Variants in ADAM7 observed in about 807,000 individuals in gnomAD.
The protein encoded by ADAM7 is disintegrin and metalloproteinase domain-containing protein 7.
ADAM7 carries 97 observed loss-of-function variants against 102.9 expected under a neutral mutation model. The ratio of observed to expected loss-of-function variants is 0.94; its 90% CI spans 0.80 to 1.12. The LOEUF is 1.12. ADAM7 is among the 50% of genes most tolerant of loss of function. The pLI is 0.00. For missense variants in ADAM7, 991 were observed against 908.7 expected (o/e 1.09, Z -1.16); for synonymous variants, 334 against 304.4 (o/e 1.10, Z -1.01).
rs142114858 is a variant in ADAM7 at position 24,444,677 on chromosome 8, A to C, written c.156+2101A>C. Among the ~76,000 whole-genome samples the C allele has an allele frequency of 5.4e-3, 827 of 151,948 alleles. 6 individuals carry two copies. The highest frequency in any genetic ancestry group is 0.019 in the African/African-American group (792 of 41,466). Reference sequence around the variant, plus strand: ...ACAGATACTCCCCATAAAGGTCCAGATCGTAAAAAAAAAAACACAAAAAAA... The same window carrying C: ...ACAGATACTCCCCATAAAGGTCCAGCTCGTAAAAAAAAAAACACAAAAAAA... On this transcript the variant is annotated intron_variant, in intron 2 of 21. Transcript: ENST00000175238.
At chr8:24,500,484 G>T (rs1309888880) in intron 18 of ADAM7, among the ~76,000 whole-genome samples, 1 of 151,906 alleles carries the variant, frequency 6.6e-6, no homozygotes, top group African/African-American at 2.4e-5. Flanking sequence ...ATTTTCTTAG[G>T]TATCCCACAA....
chr8:24,464,083 T>C (rs1819344539), intron 4 of ADAM7, 123 bp downstream of exon 4: 2 of 778,164 alleles, frequency 2.6e-6, no homozygotes, highest in African/African-American at 3.5e-5. Context: ...AAGCTCTGAA[T>C]TGATTACTCT....
chr8:24,496,972 T>A (rs1820579198), intron 16 of ADAM7, among the ~76,000 whole-genome samples: 1 of 152,132 alleles, frequency 6.6e-6, no homozygotes. Context: ...AATGATGTGG[T>A]TTGGCTGTGT....
intron 8 of ADAM7, among the ~76,000 whole-genome samples, chr8:24,478,966 A>G (rs1358907155): frequency 1.3e-5 from 2 of 152,168 alleles, no homozygotes; most frequent in African/African-American, 4.8e-5. Flanking sequence ...CCTGAAGTGC[A>G]CTATCAACTG....
At chr8:24,489,643 CA>C (rs1820271716) in intron 12 of ADAM7, among the ~76,000 whole-genome samples, 2 of 152,076 alleles carry the variant, frequency 1.3e-5, no homozygotes, top group African/African-American at 2.4e-5. Flanking sequence ...ATGTCTCATG[CA>C]GAGTCAGAAT....
At chr8:24,461,651 T>G (rs1819246329) in intron 3 of ADAM7, among the ~76,000 whole-genome samples, 1 of 152,174 alleles carries the variant, frequency 6.6e-6, no homozygotes, top group East Asian at 1.9e-4. Flanking sequence ...TATGTTAGTC[T>G]TTTGATGTAA....
At chr8:24,505,470 T>C (rs1035684081) in intron 20 of ADAM7, among the ~76,000 whole-genome samples, 3 of 151,924 alleles carry the variant, frequency 2.0e-5, no homozygotes, top group Non-Finnish European at 2.9e-5. Flanking sequence ...ACATTTAGGG[T>C]TTTTGTATTT....
chr8:24,490,946 C>T, intron 13 of ADAM7, 58 bp downstream of exon 13: 1 of 1,553,706 alleles, frequency 6.4e-7, no homozygotes, highest in South Asian at 1.1e-5. Flanking sequence ...ATGTAGGATC[C>T]AAGAGTTATC....
Position 24,509,347 on chromosome 8 carries a change from C to T in ADAM7, c.*801C>T, listed in dbSNP as rs987970224. On this transcript the variant is annotated 3_prime_UTR_variant, in exon 22 of 22. Coordinates refer to ENST00000175238, the MANE Select transcript of ADAM7 (RefSeq NM_003817.4). Reference sequence around the variant, plus strand: ...GTGCTGTCTCTGCCCTCTCCCTATCCGTTTGTTATGGGATGGGGGATTACC... The same window carrying T: ...GTGCTGTCTCTGCCCTCTCCCTATCTGTTTGTTATGGGATGGGGGATTACC... 45 of 985,228 alleles carry T rather than the reference C, an allele frequency of 4.6e-5. No individual in the cohort carries two copies. Among genetic ancestry groups the T allele is most frequent in the East Asian group, 1.1e-4 (1 of 8,814 alleles). 61.0% of individuals were successfully genotyped at this position (985,228 alleles called of 1,614,324 possible).
At chr8:24,489,388 T>G in intron 12 of ADAM7, 55 bp downstream of exon 12, 1 of 1,498,854 alleles carries the variant, frequency 6.7e-7, no homozygotes, top group South Asian at 1.4e-5. Context: ...AGGTAGAACC[T>G]AGGCAGGGAT....
At chr8:24,487,032 G>A (rs957340199) in intron 10 of ADAM7, among the ~76,000 whole-genome samples, 155 bp from the exon 11 acceptor site, 5 of 152,098 alleles carry the variant, frequency 3.3e-5, no homozygotes, top group South Asian at 2.1e-4. Context: ...GGAAACTGAG[G>A]TACAGAGGAG....
chr8:24,463,745 T>G lies in ADAM7; in HGVS notation c.234-137T>G, dbSNP rs534345843. 8.0e-6 allele frequency: 5 copies of G among 628,226 alleles called. No individual in the cohort carries two copies. In the South Asian group the frequency reaches 1.1e-4, roughly 13 times the overall value. The allele number at this position is 628,226 out of a possible 1,614,324, so 38.9% of individuals were successfully genotyped here. A position where few individuals can be genotyped will look rare whatever the true frequency, so the allele number is the denominator to read the frequency against. On this transcript the variant is annotated intron_variant, in intron 3 of 21. Coordinates refer to ENST00000175238, the MANE Select transcript of ADAM7 (RefSeq NM_003817.4). ...CTCTTCATATGAGTGGGCTTGATTT[T>G]GCTTTACTATTTCTAGCGGAAGAGG...
chr8:24,448,288 GAA>G (rs1168310523), intron 3 of ADAM7, among the ~76,000 whole-genome samples: 3 of 152,166 alleles, frequency 2.0e-5, no homozygotes, highest in African/African-American at 7.2e-5. Flanking sequence ...TGGTCTGACT[GAA>G]GAGTTCCAAG....
Position 24,485,467 on chromosome 8 carries a change from C to T in ADAM7, c.960+106C>T, listed in dbSNP as rs1820109535. On this transcript the variant is annotated intron_variant, in intron 10 of 21. Transcript: ENST00000175238. The stretch of plus-strand genomic sequence containing the variant: ...ATGTATGCATTTTGTCATATATACT[C>T]ACTAAGATATGTCATGAACAGACTG... The T allele has an allele frequency of 5.5e-6, 5 of 906,588 alleles. No individual in the cohort carries two copies. The Admixed American group carries it at 1.3e-4, about 23-fold the overall frequency. 56.2% of individuals were successfully genotyped at this position (906,588 alleles called of 1,614,324 possible). A position where few individuals can be genotyped will look rare whatever the true frequency, so the allele number is the denominator to read the frequency against.
chr8:24,491,004 T>A, intron 13 of ADAM7, 116 bp downstream of exon 13: 1 of 978,338 alleles, frequency 1.0e-6, no homozygotes, highest in Non-Finnish European at 1.5e-6. Flanking sequence ...GAAGCTAGGC[T>A]TGCAAGTACC....
intron 3 of ADAM7, among the ~76,000 whole-genome samples, chr8:24,455,401 T>A (rs920325885): frequency 6.6e-6 from 1 of 152,132 alleles, no homozygotes; most frequent in African/African-American, 2.4e-5. Context: ...TAGAGTTTAG[T>A]ATTTGTTTTT....
chr8:24,445,687 A>G (rs1431944410), intron 2 of ADAM7, among the ~76,000 whole-genome samples: 1 of 152,212 alleles, frequency 6.6e-6, no homozygotes, highest in Non-Finnish European at 1.5e-5. Flanking sequence ...CATGCTTGCT[A>G]TGGCATGTTT....
intron 2 of ADAM7, among the ~76,000 whole-genome samples, chr8:24,444,493 C>T (rs551063682): frequency 6.6e-5 from 10 of 151,696 alleles, no homozygotes; most frequent in Non-Finnish European, 1.2e-4. Context: ...ACCTCAGCCA[C>T]GTGATCAGGT....
At position 24,507,544 on chromosome 8, in the gene ADAM7, C is replaced by T. The variant is rs1820994205; in HGVS notation, c.2264+9C>T. On this transcript the variant is annotated intron_variant, in intron 21 of 21. Coordinates refer to ENST00000175238, the MANE Select transcript of ADAM7 (RefSeq NM_003817.4). Reference sequence around the variant, plus strand: ...AATCAAAGTGCCAAGTGGTAGGTTACCCTGACAGATAGTACCTCCCTTTTT... The same window carrying T: ...AATCAAAGTGCCAAGTGGTAGGTTATCCTGACAGATAGTACCTCCCTTTTT... The T allele has an allele frequency of 6.2e-7, 1 of 1,604,572 alleles. No individual in the cohort carries two copies. Among genetic ancestry groups the T allele is most frequent in the Admixed American group, 1.7e-5 (1 of 59,944 alleles).
Sources: gnomAD v4.1 joint callset for allele counts (sites outside exome capture counted in the v4.1 genomes callset) on GRCh38, gnomAD v4.1.1 for gene constraint, MANE v1.5 for transcripts, NCBI Gene and HGNC (gene_info 2026-07-23, HGNC 2026-07-21) for gene names.